DMD: variants seen among roughly 807,000 people sequenced by gnomAD.
The protein encoded by DMD is mutant dystrophin.
In DMD, 63 loss-of-function variants were observed where a neutral mutation model predicts 330.1. The observed-to-expected ratio is 0.19, with a 90% CI of 0.16 to 0.24. The LOEUF is 0.24. Ranked by LOEUF, DMD falls within the 10% of genes least tolerant of loss-of-function variation. DMD has a pLI of 1.00. For synonymous variants in DMD, 1,223 were observed against 959.8 expected (o/e 1.27, Z -5.07); for missense variants, 3,344 against 2,684.1 (o/e 1.25, Z -5.43).
At chrX:32,519,233 T>C (rs1236543660) in intron 17 of DMD, among the ~76,000 whole-genome samples, 1 of 74,098 alleles carries the variant, frequency 1.3e-5, no homozygotes, top group Non-Finnish European at 2.6e-5. Context: ...GAAAGACAAA[T>C]ACCACATGAT....
chrX:32,869,890 C>T (rs1010900941), intron 2 of DMD, among the ~76,000 whole-genome samples: 4 of 108,138 alleles, frequency 3.7e-5, no homozygotes, highest in Non-Finnish European at 7.6e-5. Context: ...ATGACAAACC[C>T]TTGAAAACCA....
intron 2 of DMD, among the ~76,000 whole-genome samples, chrX:32,944,816 G>A (rs2090684725): frequency 1.8e-5 from 2 of 109,990 alleles, no homozygotes; most frequent in Non-Finnish European, 3.8e-5. Context: ...ATGTTGGTTA[G>A]GCTGGTCTCG....
intron 43 of DMD, among the ~76,000 whole-genome samples, chrX:32,286,897 C>T (rs2097444036): frequency 8.9e-6 from 1 of 111,794 alleles, no homozygotes; most frequent in African/African-American, 3.2e-5. Context: ...AACTTTATTA[C>T]TTTTAATCTA....
intron 52 of DMD, among the ~76,000 whole-genome samples, chrX:31,703,858 T>G: frequency 9.0e-6 from 1 of 111,423 alleles, no homozygotes; most frequent in East Asian, 2.8e-4. Flanking sequence ...TCTGGTTCAT[T>G]TAACATACAT....
At chrX:32,063,574 A>G (rs6628673) in intron 44 of DMD, among the ~76,000 whole-genome samples, 15,020 of 110,829 alleles carry the variant, frequency 0.14, 748 homozygotes, top group African/African-American at 0.18. Flanking sequence ...CAAACCTAGG[A>G]TTCCACGCAC....
intron 47 of DMD, among the ~76,000 whole-genome samples, chrX:31,911,013 A>G (rs2094540920): frequency 8.9e-6 from 1 of 112,235 alleles, no homozygotes; most frequent in African/African-American, 3.2e-5. Context: ...GGATTTTGTG[A>G]CTACATGGCA....
At chrX:32,321,490 G>C (rs962874451) in intron 41 of DMD, among the ~76,000 whole-genome samples, 8 of 111,209 alleles carry the variant, frequency 7.2e-5, no homozygotes, top group African/African-American at 2.6e-4. Context: ...ACTTAAGAAG[G>C]GGGTCAGTAC....
intron 52 of DMD, among the ~76,000 whole-genome samples, chrX:31,689,328 GACAA>G (rs1198497687): frequency 1.8e-5 from 2 of 111,832 alleles, no homozygotes; most frequent in East Asian, 2.8e-4. Context: ...ACCAATAACA[GACAA>G]ACAGAGAGCC....
At chrX:33,079,567 C>T (rs367988609) in intron 1 of DMD, among the ~76,000 whole-genome samples, 1 of 111,665 alleles carries the variant, frequency 9.0e-6, no homozygotes, top group East Asian at 2.8e-4. Flanking sequence ...AAAAGCCAAA[C>T]ACCATTTCAT....
At chrX:31,227,972 T>C (rs1291950727) in intron 63 of DMD, among the ~76,000 whole-genome samples, 2 of 107,572 alleles carry the variant, frequency 1.9e-5, no homozygotes, top group African/African-American at 6.8e-5. Flanking sequence ...ATGGATGAAA[T>C]TGGAAATCAT....
chrX:33,266,046 A>T (rs1480628369), intron 1 of DMD, among the ~76,000 whole-genome samples: 2 of 111,675 alleles, frequency 1.8e-5, no homozygotes, highest in East Asian at 5.6e-4. Context: ...AGGTTCATAC[A>T]TAAGTCGCTA....
intron 7 of DMD, among the ~76,000 whole-genome samples, chrX:32,769,943 T>C (rs1173238238): frequency 8.9e-6 from 1 of 111,794 alleles, no homozygotes; most frequent in African/African-American, 3.2e-5. Context: ...ATTGAACACA[T>C]AGTCATCACC....
At chrX:31,624,660 T>A (rs1377541171) in intron 55 of DMD, among the ~76,000 whole-genome samples, 1 of 111,893 alleles carries the variant, frequency 8.9e-6, no homozygotes, top group African/African-American at 3.2e-5. Context: ...TATCAAAATC[T>A]GTTGGCAGAG....
chrX:32,402,146 T>A (rs2098089401), intron 30 of DMD, among the ~76,000 whole-genome samples: 1 of 111,789 alleles, frequency 8.9e-6, no homozygotes, highest in Non-Finnish European at 1.9e-5. Flanking sequence ...CTTGCGGACA[T>A]CAGTAGGCCA....
At chrX:32,552,992 G>A (rs764550862) in intron 16 of DMD, among the ~76,000 whole-genome samples, 21 of 111,848 alleles carry the variant, frequency 1.9e-4, no homozygotes, top group Non-Finnish European at 3.4e-4. Context: ...TTCAGCCACC[G>A]TGGAAAGCAG....
intron 50 of DMD, among the ~76,000 whole-genome samples, chrX:31,796,816 G>A (rs2091853536): frequency 9.0e-6 from 1 of 111,229 alleles, no homozygotes; most frequent in African/African-American, 3.3e-5. Context: ...TTGAGTGACT[G>A]CTCATTCTGT....
intron 67 of DMD, among the ~76,000 whole-genome samples, chrX:31,183,737 T>C (rs772549262): frequency 9.0e-6 from 1 of 111,040 alleles, no homozygotes; most frequent in East Asian, 2.8e-4. Context: ...TTTTTTGCTC[T>C]TCATTGCTTT....
At chrX:32,372,803 T>C (rs1008543350) in intron 34 of DMD, among the ~76,000 whole-genome samples, 27 of 111,985 alleles carry the variant, frequency 2.4e-4, no homozygotes, top group African/African-American at 8.7e-4. Flanking sequence ...TTTTATCTCA[T>C]TTGTTAATAT....
intron 48 of DMD, among the ~76,000 whole-genome samples, chrX:31,852,736 A>G (rs1044705207): frequency 2.7e-5 from 3 of 111,861 alleles, no homozygotes; most frequent in African/African-American, 9.7e-5. Context: ...TACCTCATAA[A>G]TATATGTACT....
Sources: gnomAD v4.1 joint callset for allele counts (sites outside exome capture counted in the v4.1 genomes callset) on GRCh38, gnomAD v4.1.1 for gene constraint, MANE v1.5 for transcripts, NCBI Gene and HGNC (gene_info 2026-07-23, HGNC 2026-07-21) for gene names.